The following HS6ST3 variants were observed in gnomAD, a reference collection of about 807,000 sequenced individuals.
HS6ST3 encodes heparan-sulfate 6-O-sulfotransferase 3.
A neutral mutation model predicts 36.7 loss-of-function variants in HS6ST3; 12 were observed. The observed-to-expected ratio is 0.33, with a 90% CI of 0.21 to 0.53. The LOEUF is 0.53. Among genes scored for constraint, HS6ST3 ranks in the 20% least tolerant of loss-of-function variants. The pLI is 0.95. For missense variants in HS6ST3, 584 were observed against 640.9 expected (o/e 0.91, Z 0.96); for synonymous variants, 240 against 257.5 (o/e 0.93, Z 0.65).
chr13:96,326,069 A>G (rs1379606656), intron 1 of HS6ST3, among the ~76,000 whole-genome samples: 1 of 152,182 alleles, frequency 6.6e-6, no homozygotes. Context: ...TAGTCTAAAG[A>G]TAGTGGGAAA....
intron 1 of HS6ST3, among the ~76,000 whole-genome samples, chr13:96,145,617 G>A (rs2139320010): frequency 6.6e-6 from 1 of 152,230 alleles, no homozygotes; most frequent in African/African-American, 2.4e-5. Context: ...TTTTCACTCT[G>A]ATGGTGGTTT....
intron 1 of HS6ST3, among the ~76,000 whole-genome samples, chr13:96,552,673 G>A (rs916169126): frequency 6.6e-6 from 1 of 152,128 alleles, no homozygotes; most frequent in Non-Finnish European, 1.5e-5. Flanking sequence ...CTGGACAAGT[G>A]GTGGAGCTTG....
chr13:96,235,723 C>A (rs1463776011), intron 1 of HS6ST3, among the ~76,000 whole-genome samples: 1 of 152,126 alleles, frequency 6.6e-6, no homozygotes, highest in East Asian at 1.9e-4. Flanking sequence ...TACTGATCTC[C>A]TGGTCATCCC....
At chr13:96,187,575 G>A (rs1429693830) in intron 1 of HS6ST3, among the ~76,000 whole-genome samples, 1 of 152,170 alleles carries the variant, frequency 6.6e-6, no homozygotes, top group Non-Finnish European at 1.5e-5. Flanking sequence ...CTTCATATTA[G>A]GTTATAGAAT....
intron 1 of HS6ST3, among the ~76,000 whole-genome samples, chr13:96,181,057 G>T (rs1372143136): frequency 6.6e-6 from 1 of 152,188 alleles, no homozygotes; most frequent in East Asian, 1.9e-4. Flanking sequence ...CACATGCATT[G>T]GTTATTTAGT....
intron 1 of HS6ST3, among the ~76,000 whole-genome samples, chr13:96,792,405 A>T (rs1283583247): frequency 1.3e-5 from 2 of 151,972 alleles, no homozygotes; most frequent in Non-Finnish European, 2.9e-5. Flanking sequence ...TCTGGTGCTT[A>T]TCAGAACACG....
At chr13:96,537,891 T>C (rs1594802326) in intron 1 of HS6ST3, among the ~76,000 whole-genome samples, 1 of 152,062 alleles carries the variant, frequency 6.6e-6, no homozygotes, top group South Asian at 2.1e-4. Context: ...AAAATAGAGA[T>C]TCATCATGGT....
Position 96,285,922 on chromosome 13 carries a change from C to T in HS6ST3, c.707+194353C>T, listed in dbSNP as rs537066598. 1.4e-5 allele frequency among the ~76,000 whole-genome samples: 2 copies of T among 147,252 alleles called. 1 individual carries two copies. Among genetic ancestry groups the T allele is most frequent in the Admixed American group, 1.4e-4 (2 of 14,598 alleles). On this transcript the variant is annotated intron_variant, in intron 1 of 1. Coordinates refer to ENST00000376705, the MANE Select transcript of HS6ST3 (RefSeq NM_153456.4). Reference sequence around the variant, plus strand: ...TTCCCTCTCTCTCTCCCCCACTTTCCCTCCTTCCCTCCCTCCCTCCTTTTC... The same window carrying T: ...TTCCCTCTCTCTCTCCCCCACTTTCTCTCCTTCCCTCCCTCCCTCCTTTTC...
At chr13:96,357,766 C>G (rs756631904) in intron 1 of HS6ST3, among the ~76,000 whole-genome samples, 4 of 152,132 alleles carry the variant, frequency 2.6e-5, no homozygotes, top group Admixed American at 2.6e-4. Flanking sequence ...AAGCCATCCT[C>G]CTGCCTTGGC....
chr13:96,228,403 T>G (rs1324603918), intron 1 of HS6ST3, among the ~76,000 whole-genome samples: 3 of 152,066 alleles, frequency 2.0e-5, no homozygotes, highest in African/African-American at 7.2e-5. Flanking sequence ...GATTACGGGA[T>G]TACAGCCAGC....
rs2054836275 is a variant in HS6ST3, at chr13:96,292,700, A to G, written c.707+201131A>G. On this transcript the variant is annotated intron_variant, in intron 1 of 1. Coordinates refer to ENST00000376705, the MANE Select transcript of HS6ST3 (RefSeq NM_153456.4). ...CTGACAGATAAGAACTCTGTTCCTAATGAGAATTCATTGTAAGGCAGAATT... is the reference window on the plus strand; with the variant it reads ...CTGACAGATAAGAACTCTGTTCCTAGTGAGAATTCATTGTAAGGCAGAATT... Among the ~76,000 whole-genome samples the G allele has an allele frequency of 2.0e-5, 3 of 152,122 alleles. No individual in the cohort carries two copies. In the South Asian group the frequency reaches 6.2e-4, roughly 31 times the overall value.
intron 1 of HS6ST3, among the ~76,000 whole-genome samples, chr13:96,671,265 G>A (rs942811203): frequency 2.0e-5 from 3 of 151,984 alleles, no homozygotes; most frequent in Admixed American, 2.0e-4. Context: ...AAATTCTTTT[G>A]AACCCAAATC....
At chr13:96,566,110 G>GAAAAAA (rs36091104) in intron 1 of HS6ST3, among the ~76,000 whole-genome samples, 1 of 144,442 alleles carries the variant, frequency 6.9e-6, no homozygotes, top group Non-Finnish European at 1.5e-5. Flanking sequence ...TATGCTACTT[G>GAAAAAA]AAAAAAAAAA....
chr13:96,281,631 A>C (rs1377754065), intron 1 of HS6ST3, among the ~76,000 whole-genome samples: 1 of 152,190 alleles, frequency 6.6e-6, no homozygotes, highest in African/African-American at 2.4e-5. Context: ...TATTTACTAG[A>C]CATCTTGAAA....
At chr13:96,454,265 G>T (rs922203097) in intron 1 of HS6ST3, among the ~76,000 whole-genome samples, 1 of 152,128 alleles carries the variant, frequency 6.6e-6, no homozygotes, top group Non-Finnish European at 1.5e-5. Flanking sequence ...AATCATAGTG[G>T]GGTCTGTGCT....
chr13:96,634,227 C>T (rs766521414), intron 1 of HS6ST3, among the ~76,000 whole-genome samples: 1 of 152,206 alleles, frequency 6.6e-6, no homozygotes, highest in African/African-American at 2.4e-5. Context: ...AGCAATGGAT[C>T]CTACTTGTGA....
At chr13:96,606,210 C>A (rs2056438136) in intron 1 of HS6ST3, among the ~76,000 whole-genome samples, 1 of 152,102 alleles carries the variant, frequency 6.6e-6, no homozygotes, top group Non-Finnish European at 1.5e-5. Context: ...CCCAGCAATC[C>A]CATTACTGTG....
At chr13:96,699,408 A>C (rs573737376) in intron 1 of HS6ST3, among the ~76,000 whole-genome samples, 1 of 152,184 alleles carries the variant, frequency 6.6e-6, no homozygotes, top group East Asian at 1.9e-4. Context: ...TTACAAGAAA[A>C]AAACAACCCC....
chr13:96,502,459 TGTTCTCACAA>T (rs1425080141), intron 1 of HS6ST3, among the ~76,000 whole-genome samples: 1 of 151,334 alleles, frequency 6.6e-6, no homozygotes, highest in East Asian at 2.0e-4. Flanking sequence ...ACTCCTGTCA[TGTTCTCACAA>T]GTGAGCTTTT....
Sources: gnomAD v4.1 joint callset for allele counts (sites outside exome capture counted in the v4.1 genomes callset) on GRCh38, gnomAD v4.1.1 for gene constraint, MANE v1.5 for transcripts, NCBI Gene and HGNC (gene_info 2026-07-23, HGNC 2026-07-21) for gene names.